The following RANBP10 variants were observed in gnomAD, a reference collection of about 807,000 sequenced individuals.
RANBP10 encodes the protein RAN binding protein 10.
Under a neutral mutation model 72.8 loss-of-function variants are expected in RANBP10, and 24 were observed. That is an observed-to-expected ratio of 0.33 (90% confidence interval 0.24 to 0.46). RANBP10 has a LOEUF of 0.46. Among genes scored for constraint, RANBP10 ranks in the 20% least tolerant of loss-of-function variants. The pLI, the probability that RANBP10 is intolerant of heterozygous loss-of-function variation, is 1.00. For synonymous variants in RANBP10, 310 were observed against 322.3 expected (o/e 0.96, Z 0.41); for missense variants, 679 against 817.5 (o/e 0.83, Z 2.07).
chr16:67,757,332 G>A (rs1273906581), intron 3 of RANBP10, among the ~76,000 whole-genome samples: 4 of 152,140 alleles, frequency 2.6e-5, no homozygotes, highest in African/African-American at 4.8e-5. Flanking sequence ...GGCCACCGAC[G>A]GCAGCCCCAG....
chr16:67,731,367 C>G, intron 7 of RANBP10, 105 bp downstream of exon 7: 1 of 922,466 alleles, frequency 1.1e-6, no homozygotes, highest in Non-Finnish European at 1.7e-6. Context: ...TCATGAGGAC[C>G]AGAGCTGAAT....
chr16:67,774,353 G>A (rs1230200531), intron 2 of RANBP10, among the ~76,000 whole-genome samples: 5 of 152,216 alleles, frequency 3.3e-5, no homozygotes, highest in Non-Finnish European at 7.3e-5. Flanking sequence ...CTTGGTCGCT[G>A]CAACAGGGCT....
intron 3 of RANBP10, among the ~76,000 whole-genome samples, chr16:67,766,210 T>C (rs1374847435): frequency 1.3e-5 from 2 of 152,130 alleles, no homozygotes; most frequent in Non-Finnish European, 2.9e-5. Flanking sequence ...CCCACCAAAA[T>C]ACCAGGACCT....
Position 67,724,610 on chromosome 16 carries a change from A to G in RANBP10, c.*1818T>C, listed in dbSNP as rs892910533. On this transcript the variant is annotated 3_prime_UTR_variant, in exon 14 of 14. Coordinates refer to ENST00000317506, the MANE Select transcript of RANBP10 (RefSeq NM_020850.3). ...CCAGCCCCAAGGACCAAGAAAAAGC[A>G]GCAGCTATAGGATCATTTCCCAAGG... The G allele has an allele frequency of 1.3e-5, 2 of 152,272 alleles. No homozygotes were observed. Among genetic ancestry groups the G allele is most frequent in the African/African-American group, 4.8e-5 (2 of 41,460 alleles). The allele number at this position is 152,272 out of a possible 1,614,324, so 9.4% of individuals were successfully genotyped here.
In RANBP10 at chr16:67,729,905, A is replaced by G; in HGVS notation, c.998+33T>C. 6.2e-7 allele frequency: 1 copy of G among 1,613,342 alleles called. No individual in the cohort carries two copies. The highest frequency in any genetic ancestry group is 8.5e-7 in the Non-Finnish European group (1 of 1,179,846). On this transcript the variant is annotated intron_variant, in intron 8 of 13. Coordinates refer to ENST00000317506, the MANE Select transcript of RANBP10 (RefSeq NM_020850.3). The surrounding 1 kb of genome is among the most constrained non-coding windows in gnomAD (Gnocchi z 7.1). ...CCCACCACCAGCTGAGAGGGGCTGG[A>G]CTCTGGGGGAGCTGGGGGTGCCCAA...
At chr16:67,731,688 A>C in intron 6 of RANBP10, 104 bp from the exon 7 acceptor site, 1 of 769,410 alleles carries the variant, frequency 1.3e-6, no homozygotes, top group Non-Finnish European at 2.1e-6. Flanking sequence ...CTCCCTAAAC[A>C]CGTCCTGGAG....
chr16:67,749,248 G>C (rs1304871775), intron 3 of RANBP10, among the ~76,000 whole-genome samples: 1 of 152,178 alleles, frequency 6.6e-6, no homozygotes, highest in Non-Finnish European at 1.5e-5. Context: ...TGTCCCCTTG[G>C]TCACAGCACC....
At chr16:67,800,978 A>G (rs1402981569) in intron 2 of RANBP10, among the ~76,000 whole-genome samples, 2 of 152,322 alleles carry the variant, frequency 1.3e-5, no homozygotes, top group East Asian at 3.9e-4. Context: ...TGCTGGCTTT[A>G]CATCTGTTCT....
In RANBP10 at chr16:67,725,719, G is replaced by A. The variant is rs527961566; in HGVS notation, c.*709C>T. On this transcript the variant is annotated 3_prime_UTR_variant, in exon 14 of 14. Coordinates refer to ENST00000317506, the MANE Select transcript of RANBP10 (RefSeq NM_020850.3). Reference sequence around the variant, plus strand: ...GGGCCTAGGGATCTACAGTTCTTGGGATGCTATAAACCAATGTAACCATGC... The same window carrying A: ...GGGCCTAGGGATCTACAGTTCTTGGAATGCTATAAACCAATGTAACCATGC... 1 of 152,440 alleles carries A rather than the reference G, an allele frequency of 6.6e-6. No individual in the cohort carries two copies. Among genetic ancestry groups the A allele is most frequent in the Non-Finnish European group, 1.5e-5 (1 of 68,004 alleles). 9.4% of individuals were successfully genotyped at this position (152,440 alleles called of 1,614,324 possible).
intron 2 of RANBP10, among the ~76,000 whole-genome samples, chr16:67,773,152 G>A (rs2054638053): frequency 6.6e-6 from 1 of 152,188 alleles, no homozygotes; most frequent in Admixed American, 6.5e-5. Flanking sequence ...CATGGGGATA[G>A]ATCCTTCATG....
intron 4 of RANBP10, among the ~76,000 whole-genome samples, chr16:67,739,630 T>C (rs2053927293): frequency 6.6e-6 from 1 of 152,010 alleles, no homozygotes; most frequent in Non-Finnish European, 1.5e-5. Flanking sequence ...CTACAAAATA[T>C]ATAAAATTAG....
At chr16:67,768,428 C>T (rs1320249400) in intron 3 of RANBP10, among the ~76,000 whole-genome samples, 2 of 151,484 alleles carry the variant, frequency 1.3e-5, no homozygotes, top group African/African-American at 2.4e-5. Flanking sequence ...GGCTGAGGCA[C>T]GAGAATAGCT....
intron 3 of RANBP10, among the ~76,000 whole-genome samples, chr16:67,758,454 C>T (rs748045945): frequency 6.6e-6 from 1 of 152,144 alleles, no homozygotes; most frequent in Non-Finnish European, 1.5e-5. Flanking sequence ...TGTGGCTCTG[C>T]GTACATCGTT....
intron 3 of RANBP10, 56 bp downstream of exon 3, chr16:67,771,978 T>G: frequency 1.3e-6 from 2 of 1,575,586 alleles, no homozygotes; most frequent in Non-Finnish European, 1.7e-6. Context: ...ACCATGACTC[T>G]CAACCCCAAT....
In RANBP10 at chr16:67,730,053, G is replaced by T. The variant is rs2885702; in HGVS notation, c.890-7C>A. 21 of 1,610,354 alleles carry T rather than the reference G, an allele frequency of 1.3e-5. No homozygotes were observed. Among genetic ancestry groups the T allele is most frequent in the Non-Finnish European group, 1.7e-5 (20 of 1,179,560 alleles). ...AGCACCAGCTTCTGGATCTCTGCAGGGTGCAAGAACACAGCAGTGAGCGAG... is the reference window on the plus strand; with the variant it reads ...AGCACCAGCTTCTGGATCTCTGCAGTGTGCAAGAACACAGCAGTGAGCGAG... On this transcript the variant is annotated splice_polypyrimidine_tract_variant and splice_region_variant and intron_variant, in intron 7 of 13. Transcript: ENST00000317506. The surrounding 1 kb of genome is among the most constrained non-coding windows in gnomAD (Gnocchi z 4.3).
intron 3 of RANBP10, among the ~76,000 whole-genome samples, chr16:67,748,175 G>C (rs1357038054): frequency 6.6e-6 from 1 of 151,828 alleles, no homozygotes; most frequent in African/African-American, 2.4e-5. Flanking sequence ...CGTTGACTGG[G>C]ACTGTGTTGA....
chr16:67,806,361 G>A lies in RANBP10; in HGVS notation c.176C>T (p.Pro59Leu). Residue 59 changes from proline to leucine, a missense_variant, in exon 1 of 14, where the codon CCC (proline) becomes CTC (leucine). By Grantham distance (98) the Pro-to-Leu change is moderately conservative. Transcript: ENST00000317506. ...QETPLPRSWSPKDKYNYIGLS... is the reference protein window; with the variant it reads ...QETPLPRSWSLKDKYNYIGLS... ...ACCAATGTAGTTGTATTTGTCCTTG[G>A]GGCTCCAGGAGCGCGGCAGCGGAGT... 1 of 1,613,440 alleles carries A rather than the reference G, an allele frequency of 6.2e-7. No individual in the cohort carries two copies. The highest frequency in any genetic ancestry group is 8.5e-7 in the Non-Finnish European group (1 of 1,179,748).
At chr16:67,728,161 G>T (rs1003823638) in intron 11 of RANBP10, among the ~76,000 whole-genome samples, 1 of 152,188 alleles carries the variant, frequency 6.6e-6, no homozygotes, top group African/African-American at 2.4e-5. Flanking sequence ...CCATGCTCTC[G>T]AACACCCTCC....
intron 3 of RANBP10, among the ~76,000 whole-genome samples, chr16:67,751,582 G>A (rs1038212803): frequency 6.6e-6 from 1 of 152,084 alleles, no homozygotes; most frequent in Non-Finnish European, 1.5e-5. Flanking sequence ...CTGAGATTGT[G>A]CCAATGCACT....
Sources: gnomAD v4.1 joint callset for allele counts (sites outside exome capture counted in the v4.1 genomes callset) on GRCh38, gnomAD v4.1.1 for gene constraint, Gnocchi (gnomAD v3.1) non-coding constraint, MANE v1.5 for transcripts, NCBI Gene and HGNC (gene_info 2026-07-23, HGNC 2026-07-21) for gene names.